The following ATG9B variants were observed in gnomAD, a reference collection of about 807,000 sequenced individuals.
ATG9B encodes the protein autophagy related 9B.
A neutral mutation model predicts 92.9 loss-of-function variants in ATG9B; 92 were observed. The observed-to-expected ratio is 0.99, with a 90% CI of 0.84 to 1.18. The LOEUF (loss-of-function observed/expected upper bound fraction) is 1.18. ATG9B is among the 50% of genes most tolerant of loss of function. The probability of loss-of-function intolerance (pLI) is 0.00; values close to 1 mark genes in which losing one functional copy is unlikely to be tolerated. For missense variants in ATG9B, 1,344 were observed against 1,235.0 expected (o/e 1.09, Z -1.32); for synonymous variants, 599 against 551.4 (o/e 1.09, Z -1.21).
At chr7:151,013,029 G>C (rs902240802), downstream of ATG9B, 1 of 587,458 alleles carries the variant, frequency 1.7e-6, no homozygotes, top group East Asian at 3.1e-5. Flanking sequence ...CCTCACCCGC[G>C]CTTCCCTTCC....
chr7:151,013,654 G>A, downstream of ATG9B: 1 of 1,376,374 alleles, frequency 7.3e-7, no homozygotes, highest in Non-Finnish European at 9.8e-7. Context: ...TCCAGGGCCA[G>A]CCAGCAGCCC....
chr7:151,012,965 G>A (rs1795339022), downstream of ATG9B: 1 of 513,434 alleles, frequency 1.9e-6, no homozygotes, highest in Admixed American at 3.7e-5. Context: ...CAAAGGGCAT[G>A]GAATTCTGAG....
rs1795873981 is a variant in ATG9B at position 151,024,311 on chromosome 7, GGAGGAGGAGGAGGTGGCAGTGGCAT to G, written c.88_112del (p.Met30LeufsTer68). ...CCCTCCCCCAGGTCCCCGGCATGAA[GGAGGAGGAGGAGGTGGCAGTGGCAT>G]GGGGAGGAGGGGCACCGATCCGGGC... On this transcript the variant is annotated frameshift_variant, in exon 1 of 14. Transcript: ENST00000639579. LOFTEE classifies it high-confidence loss of function. 1.4e-6 allele frequency: 2 copies of G among 1,395,498 alleles called. No homozygotes were observed. The highest frequency in any genetic ancestry group is 5.3e-5 in the East Asian group (2 of 37,692). The allele number at this position is 1,395,498 out of a possible 1,614,324, so 86.4% of individuals were successfully genotyped here. A position where few individuals can be genotyped will look rare whatever the true frequency, so the allele number is the denominator to read the frequency against.
downstream of ATG9B, chr7:151,013,954 T>C: frequency 6.2e-7 from 1 of 1,602,968 alleles, no homozygotes; most frequent in Non-Finnish European, 8.5e-7. Context: ...GCGTGCGGGG[T>C]TCCTGCTAAG....
chr7:151,015,969 T>A lies in ATG9B; in HGVS notation c.2702A>T (p.Asn901Ile). The change falls in exon 13 of 14, where the codon AAT (asparagine) becomes ATT (isoleucine). Residue 901 changes from asparagine (N) to isoleucine (I), a missense_variant. By Grantham distance (149) the Asn-to-Ile change is moderately radical. Transcript: ENST00000639579. Reference protein sequence around the residue: ...RQQWGTQKARNLFPGGFQVTT... With the variant: ...RQQWGTQKARILFPGGFQVTT... Reference sequence around the variant, plus strand: ...CACCTGAAACCCTCCGGGGAACAGATTCCGGGCCTTCTGGGTTCCCCACTG... The same window carrying A: ...CACCTGAAACCCTCCGGGGAACAGAATCCGGGCCTTCTGGGTTCCCCACTG... 4 of 1,551,656 alleles carry A rather than the reference T, an allele frequency of 2.6e-6. No homozygotes were observed. The highest frequency in any genetic ancestry group is 3.5e-6 in the Non-Finnish European group (4 of 1,146,974).
rs1282052390 is a variant in ATG9B at position 151,017,018 on chromosome 7, G to A, written c.2289+18C>T. Reference sequence around the variant, plus strand: ...TGTGGGGGTGAAGGCAGAAGGGGAGGCCAGGCTTGGGACTCACCAGGGGCG... The same window carrying A: ...TGTGGGGGTGAAGGCAGAAGGGGAGACCAGGCTTGGGACTCACCAGGGGCG... On this transcript the variant is annotated intron_variant, in intron 9 of 13. Coordinates refer to ENST00000639579, the MANE Select transcript of ATG9B (RefSeq NM_001317056.2). 2 of 1,568,962 alleles carry A rather than the reference G, an allele frequency of 1.3e-6. No homozygotes were observed. The highest frequency in any genetic ancestry group is 2.3e-5 in the South Asian group (2 of 86,464).
downstream of ATG9B, chr7:151,013,126 G>C: frequency 7.8e-7 from 1 of 1,280,394 alleles, no homozygotes. Flanking sequence ...GGTGGTTTCA[G>C]CCCAAAACGC....
intron 8 of ATG9B, 108 bp from the exon 9 acceptor site, chr7:151,017,380 G>A: frequency 9.0e-7 from 1 of 1,110,666 alleles, no homozygotes. Flanking sequence ...AGACCACAAT[G>A]GGGACTTGTT....
In ATG9B at chr7:151,018,573, T is replaced by C; in HGVS notation, c.1718+47A>G. ...GGGGGGAACCTCACATGGCCCCAGA[T>C]CAGAGAAACCAACACACACCACCAC... On this transcript the variant is annotated intron_variant, in intron 6 of 13. Transcript: ENST00000639579. This position sits in a 1 kb window ranked among gnomAD's most constrained non-coding sequence, Gnocchi z 4.7. 6.4e-7 allele frequency: 1 copy of C among 1,569,268 alleles called. No homozygotes were observed. Among genetic ancestry groups the C allele is most frequent in the Non-Finnish European group, 8.6e-7 (1 of 1,163,314 alleles).
Position 151,018,124 on chromosome 7 carries a change from CA to C in ATG9B, c.1873-75del. The C allele has an allele frequency of 6.7e-7, 1 of 1,485,234 alleles. No individual in the cohort carries two copies. Among genetic ancestry groups the C allele is most frequent in the South Asian group, 1.4e-5 (1 of 73,576 alleles). The allele number at this position is 1,485,234 out of a possible 1,614,324, so 92.0% of individuals were successfully genotyped here. A position where few individuals can be genotyped will look rare whatever the true frequency, so the allele number is the denominator to read the frequency against. On this transcript the variant is annotated intron_variant, in intron 7 of 13. Transcript: ENST00000639579. The surrounding 1 kb of genome is among the most constrained non-coding windows in gnomAD (Gnocchi z 4.7). ...CGCGTTATCAGGACCAAGCAGTCCC[CA>C]GCGACCCTCGCCAGGGCAAGAAGCC... is the stretch of plus-strand genomic sequence containing the variant.
chr7:151,016,044 C>G (rs1224216946), intron 12 of ATG9B, 21 bp from the exon 13 acceptor site: 1 of 1,550,674 alleles, frequency 6.4e-7, no homozygotes, highest in South Asian at 1.2e-5. Context: ...AGGCCATCAG[C>G]TGGGCAGTTC....
rs775036105 is a variant in ATG9B at position 151,018,570 on chromosome 7, A to T, written c.1718+50T>A. The stretch of plus-strand genomic sequence containing the variant: ...TTCGGGGGGAACCTCACATGGCCCC[A>T]GATCAGAGAAACCAACACACACCAC... On this transcript the variant is annotated intron_variant, in intron 6 of 13. Coordinates refer to ENST00000639579, the MANE Select transcript of ATG9B (RefSeq NM_001317056.2). This position sits in a 1 kb window ranked among gnomAD's most constrained non-coding sequence, Gnocchi z 4.7. 2 of 1,566,660 alleles carry T rather than the reference A, an allele frequency of 1.3e-6. No individual in the cohort carries two copies. Among genetic ancestry groups the T allele is most frequent in the Middle Eastern group, 3.4e-4 (2 of 5,890 alleles).
Position 151,017,081 on chromosome 7 carries a change from G to T in ATG9B, c.2244C>A (p.Arg748=). The T allele has an allele frequency of 1.9e-6, 3 of 1,608,080 alleles. No homozygotes were observed. Among genetic ancestry groups the T allele is most frequent in the Non-Finnish European group, 2.5e-6 (3 of 1,177,872 alleles). The part of the protein sequence containing the change: ...DAAAWGATSA[R]GPSTPGVLSN... ...TGAGCACCCCCGGGGTGGAGGGGCC[G>T]CGAGCCGAGGTGGCACCCCAGGCAG... The change falls in exon 9 of 14, where the codon CGC becomes CGA. Residue 748 remains arginine, a synonymous_variant. Coordinates refer to ENST00000639579, the MANE Select transcript of ATG9B (RefSeq NM_001317056.2).
chr7:151,023,911 C>A lies in ATG9B; in HGVS notation c.513G>T (p.Glu171Asp). 1 of 1,596,174 alleles carries A rather than the reference C, an allele frequency of 6.3e-7. No individual in the cohort carries two copies. Among genetic ancestry groups the A allele is most frequent in the Non-Finnish European group, 8.5e-7 (1 of 1,175,898 alleles). Reference sequence around the variant, plus strand: ...CAGGGACATGAAGCAGGGGTTGCTGCTCCTCCCCGTGGATGGGTGAGTCTT... The same window carrying A: ...CAGGGACATGAAGCAGGGGTTGCTGATCCTCCCCGTGGATGGGTGAGTCTT... ...GSQDSPIHGE[E>D]QQPLLHVPEG... The change falls in exon 1 of 14, where the codon GAG becomes GAT. Residue 171 changes from glutamate (E) to aspartate (D), a missense_variant. Coordinates refer to ENST00000639579, the MANE Select transcript of ATG9B (RefSeq NM_001317056.2).
chr7:151,023,904 G>T lies in ATG9B; in HGVS notation c.520C>A (p.Pro174Thr). ...AGCCCTTCAGGGACATGAAGCAGGG[G>T]TTGCTGCTCCTCCCCGTGGATGGGT... ...DSPIHGEEQQ[P>T]LLHVPEGLRG... The change falls in exon 1 of 14, where the codon CCC becomes ACC. Residue 174 changes from proline to threonine, a missense_variant. Transcript: ENST00000639579. The T allele has an allele frequency of 1.2e-6, 2 of 1,607,706 alleles. No individual in the cohort carries two copies. The highest frequency in any genetic ancestry group is 1.7e-6 in the Non-Finnish European group (2 of 1,177,476).
chr7:151,019,296 G>C lies in ATG9B; in HGVS notation c.1042C>G (p.Gln348Glu). The change falls in exon 6 of 14, where the codon CAG becomes GAG. Residue 348 changes from glutamine to glutamate, a missense_variant. Coordinates refer to ENST00000639579, the MANE Select transcript of ATG9B (RefSeq NM_001317056.2). ...ALQRSGGLCVQPRPLTELDIH... is the reference protein window; with the variant it reads ...ALQRSGGLCVEPRPLTELDIH... ...TCCAGCTCCGTCAGGGGCCGCGGCT[G>C]CACGCACAGGCCCCCGCTCCGCTGC... The C allele has an allele frequency of 6.3e-7, 1 of 1,589,180 alleles. No homozygotes were observed. Among genetic ancestry groups the C allele is most frequent in the South Asian group, 1.1e-5 (1 of 89,224 alleles).
rs1171253126 is a variant in ATG9B at position 151,024,113 on chromosome 7, G to A, written c.311C>T (p.Ala104Val). The change falls in exon 1 of 14, where the codon GCA becomes GTA. Residue 104 changes from alanine (A) to valine (V), a missense_variant. Transcript: ENST00000639579. ...PATPPTQAQP[A>V]MTPASASPSW... ...GGGAGATGCAGAGGCAGGTGTCATT[G>A]CAGGTTGAGCCTGTGTTGGGGGGGT... The A allele has an allele frequency of 6.2e-7, 1 of 1,603,214 alleles. No homozygotes were observed. Among genetic ancestry groups the A allele is most frequent in the Admixed American group, 1.7e-5 (1 of 59,240 alleles).
In ATG9B at chr7:151,018,025, G is replaced by C; in HGVS notation, c.1898C>G (p.Ser633Cys). 6.3e-7 allele frequency: 1 copy of C among 1,596,310 alleles called. No individual in the cohort carries two copies. The change falls in exon 8 of 14, where the codon TCC (serine) becomes TGC (cysteine). Residue 633 changes from serine to cysteine, a missense_variant. By Grantham distance (112) the Ser-to-Cys change is moderately radical. Transcript: ENST00000639579. This position sits in a 1 kb window ranked among gnomAD's most constrained non-coding sequence, Gnocchi z 4.7. ...CAGAAACAGCGGGGTGAGGAGCGGGGACAGGAGCTCCTCCAGGAGGGAGAC... is the reference window on the plus strand; with the variant it reads ...CAGAAACAGCGGGGTGAGGAGCGGGCACAGGAGCTCCTCCAGGAGGGAGAC... ...RAVSLLEELLSPLLTPLFLLF... is the reference protein window; with the variant it reads ...RAVSLLEELLCPLLTPLFLLF...
intron 9 of ATG9B, 100 bp from the exon 10 acceptor site, chr7:151,016,921 G>C: frequency 6.6e-7 from 1 of 1,514,996 alleles, no homozygotes; most frequent in Non-Finnish European, 8.9e-7. Context: ...AGGAGAGCAG[G>C]CTGGGGGCGG....
Sources: gnomAD v4.1 joint callset for allele counts on GRCh38, gnomAD v4.1.1 for gene constraint, Gnocchi (gnomAD v3.1) non-coding constraint, MANE v1.5 for transcripts, NCBI Gene and HGNC (gene_info 2026-07-23, HGNC 2026-07-21) for gene names.